The following RPS6KC1 variants were observed in gnomAD, a reference collection of about 807,000 sequenced individuals.
RPS6KC1 encodes ribosomal protein S6 kinase C1.
Under a neutral mutation model 103.8 loss-of-function variants are expected in RPS6KC1, and 54 were observed. The ratio of observed to expected loss-of-function variants is 0.52; its 90% CI spans 0.42 to 0.65. RPS6KC1 has a LOEUF of 0.65. Among genes scored for constraint, RPS6KC1 ranks in the 30% least tolerant of loss-of-function variants. The pLI, the probability that RPS6KC1 is intolerant of heterozygous loss-of-function variation, is 0.00. For synonymous variants in RPS6KC1, 439 were observed against 438.7 expected (o/e 1.00, Z -0.01); for missense variants, 1,151 against 1,253.8 (o/e 0.92, Z 1.24).
At chr1:213,686,606 T>C in the RPS6KC1 span, among the ~76,000 whole-genome samples, 2 of 152,180 alleles carry the variant, frequency 1.3e-5, no homozygotes, top group African/African-American at 4.8e-5. Context: ...GCATATAACA[T>C]GTTTTTATCT....
chr1:213,728,937 GTTTTTTTTTTGT>G, the RPS6KC1 span, among the ~76,000 whole-genome samples: 42 of 93,440 alleles, frequency 4.5e-4, no homozygotes, highest in African/African-American at 1.8e-3. Context: ...GAACATGAGG[GTTTTTTTTTTGT>G]TTTTTTTTTT....
At chr1:213,230,456 A>T (rs1057346082) in intron 8 of RPS6KC1, 41 bp from the exon 9 acceptor site, 6 of 1,437,354 alleles carry the variant, frequency 4.2e-6, no homozygotes, top group Non-Finnish European at 5.8e-6. Context: ...TTAATGTTTC[A>T]TTGTATTGTT....
At chr1:213,470,506 A>G in the RPS6KC1 span, among the ~76,000 whole-genome samples, 1 of 152,078 alleles carries the variant, frequency 6.6e-6, no homozygotes, top group African/African-American at 2.4e-5. Flanking sequence ...AGTAACTATT[A>G]AAGAGTATTG....
At chr1:213,125,258 A>G (rs922286810) in intron 5 of RPS6KC1, among the ~76,000 whole-genome samples, 8 of 152,124 alleles carry the variant, frequency 5.3e-5, no homozygotes, top group Non-Finnish European at 8.8e-5. Context: ...TTAAGTATAC[A>G]TACTCATTTG....
At chr1:213,477,343 T>C in the RPS6KC1 span, among the ~76,000 whole-genome samples, 2 of 150,776 alleles carry the variant, frequency 1.3e-5, no homozygotes, top group Non-Finnish European at 2.9e-5. Context: ...AAATCTGTTA[T>C]ACCCTTATTT....
the RPS6KC1 span, among the ~76,000 whole-genome samples, chr1:213,365,236 A>T: frequency 3.9e-5 from 6 of 152,354 alleles, no homozygotes; most frequent in Non-Finnish European, 8.8e-5. Context: ...AAAATGTGGC[A>T]ACATCATTGC....
intron 8 of RPS6KC1, among the ~76,000 whole-genome samples, chr1:213,214,018 G>A (rs907041245): frequency 4.6e-5 from 7 of 152,156 alleles, no homozygotes; most frequent in East Asian, 3.9e-4. Context: ...GGGGATTGTC[G>A]GACAGTGGGT....
At chr1:213,118,011 G>T (rs1005652948) in intron 5 of RPS6KC1, among the ~76,000 whole-genome samples, 3 of 19,316 alleles carry the variant, frequency 1.6e-4, no homozygotes, top group Non-Finnish European at 2.8e-4. Context: ...AACAAAGCAA[G>T]ACTTTGTCTC....
intron 10 of RPS6KC1, 112 bp downstream of exon 10, chr1:213,232,367 C>CA: frequency 7.3e-7 from 1 of 1,360,842 alleles, no homozygotes; most frequent in East Asian, 2.3e-5. Flanking sequence ...GTTTAAGAAA[C>CA]CATTTCCTAT....
At chr1:213,336,556 A>G in the RPS6KC1 span, among the ~76,000 whole-genome samples, 43 of 152,360 alleles carry the variant, frequency 2.8e-4, no homozygotes, top group Non-Finnish European at 5.3e-4. Flanking sequence ...TATGGGGGAA[A>G]TAACGATACC....
chr1:213,218,640 C>G (rs1212397841), intron 8 of RPS6KC1, among the ~76,000 whole-genome samples: 1 of 152,188 alleles, frequency 6.6e-6, no homozygotes, highest in Admixed American at 6.5e-5. Context: ...GCTACAATAA[C>G]CAAAACAGCA....
At chr1:213,744,998 C>G in the RPS6KC1 span, among the ~76,000 whole-genome samples, 1 of 152,336 alleles carries the variant, frequency 6.6e-6, no homozygotes, top group East Asian at 1.9e-4. Flanking sequence ...GGAGGCTGGG[C>G]AGCCCTGTCC....
At chr1:213,537,436 T>C in the RPS6KC1 span, among the ~76,000 whole-genome samples, 2 of 152,200 alleles carry the variant, frequency 1.3e-5, no homozygotes, top group African/African-American at 4.8e-5. Flanking sequence ...TAGCTGTGTG[T>C]TGGCCAATTC....
the RPS6KC1 span, among the ~76,000 whole-genome samples, chr1:213,473,333 T>C: frequency 0.014 from 2,165 of 152,330 alleles, 50 homozygotes; most frequent in African/African-American, 0.044. Context: ...CCCCCAATAG[T>C]GGACAGGGAT....
chr1:213,604,006 T>A, the RPS6KC1 span, among the ~76,000 whole-genome samples: 1 of 152,228 alleles, frequency 6.6e-6, no homozygotes, highest in Non-Finnish European at 1.5e-5. Context: ...TGGTCTGTAC[T>A]GGGAAAGGTT....
At chr1:213,222,883 A>G (rs1021775531) in intron 8 of RPS6KC1, among the ~76,000 whole-genome samples, 1 of 152,234 alleles carries the variant, frequency 6.6e-6, no homozygotes, top group African/African-American at 2.4e-5. Context: ...TAACATTACC[A>G]GCTCTTGTAA....
chr1:213,829,057 CT>C, the RPS6KC1 span, among the ~76,000 whole-genome samples: 7 of 152,118 alleles, frequency 4.6e-5, no homozygotes, highest in African/African-American at 1.7e-4. Flanking sequence ...TGCTCTGTTG[CT>C]GAGATTAACA....
chr1:213,696,083 T>G, the RPS6KC1 span, among the ~76,000 whole-genome samples: 1 of 152,188 alleles, frequency 6.6e-6, no homozygotes, highest in Non-Finnish European at 1.5e-5. Context: ...CAAACTGCCT[T>G]CAATTTTTCT....
the RPS6KC1 span, among the ~76,000 whole-genome samples, chr1:213,602,108 C>CTTTCTTTCT: frequency 2.8e-5 from 1 of 35,134 alleles, no homozygotes; most frequent in African/African-American, 1.4e-4. Flanking sequence ...TTCTTTCTTT[C>CTTTCTTTCT]TTTCTTTCTT....
Sources: gnomAD v4.1 joint callset for allele counts (sites outside exome capture counted in the v4.1 genomes callset) on GRCh38, gnomAD v4.1.1 for gene constraint, MANE v1.5 for transcripts, NCBI Gene and HGNC (gene_info 2026-07-23, HGNC 2026-07-21) for gene names.